The following OVCH2 variants were observed in gnomAD, a reference collection of about 807,000 sequenced individuals.
OVCH2 encodes ovochymase-2.
A neutral mutation model predicts 73.7 loss-of-function variants in OVCH2; 88 were observed. The ratio of observed to expected loss-of-function variants is 1.19; its 90% CI spans 1.01 to 1.43. OVCH2 has a LOEUF of 1.43. Ranked by LOEUF, OVCH2 falls within the 40% of genes most tolerant of loss-of-function variation. The probability of loss-of-function intolerance (pLI) is 0.00; values close to 1 mark genes in which losing one functional copy is unlikely to be tolerated. For missense variants in OVCH2, 706 were observed against 674.5 expected (o/e 1.05, Z -0.52); for synonymous variants, 265 against 234.5 (o/e 1.13, Z -1.19).
rs1259588426 is a variant in OVCH2 at position 7,706,477 on chromosome 11, C to A, written c.-83G>T. 2.0e-6 allele frequency: 3 copies of A among 1,482,874 alleles called. No individual in the cohort carries two copies. In the East Asian group the frequency reaches 7.6e-5, roughly 37 times the overall value. 91.9% of individuals were successfully genotyped at this position (1,482,874 alleles called of 1,614,324 possible). ...GAAGCCTTGAGAGACCAGCAATAAG[C>A]CAATTTAAAACAAGTTTATTCATTA... On this transcript the variant is annotated 5_prime_UTR_variant, in exon 1 of 16. Transcript: ENST00000533663.
chr11:7,702,864 C>T (rs559898272), intron 3 of OVCH2, among the ~76,000 whole-genome samples: 42 of 152,294 alleles, frequency 2.8e-4, no homozygotes, highest in East Asian at 2.1e-3. Flanking sequence ...TCCTTTGAGA[C>T]GCTTCATTCC....
At chr11:7,703,573 T>C in intron 3 of OVCH2, 125 bp downstream of exon 3, 1 of 699,218 alleles carries the variant, frequency 1.4e-6, no homozygotes, top group Non-Finnish European at 2.3e-6. Context: ...GCAATTAGGA[T>C]ATTCATCTGT....
chr11:7,680,196 G>GT, the OVCH2 span, among the ~76,000 whole-genome samples: 2 of 152,056 alleles, frequency 1.3e-5, no homozygotes, highest in Admixed American at 1.3e-4. Flanking sequence ...TCCGAGGTGG[G>GT]TGGCAGTCTT....
In OVCH2 at chr11:7,692,064, G is replaced by A. The variant is rs72852408; in HGVS notation, c.1414-69C>T. On this transcript the variant is annotated intron_variant, in intron 12 of 15. Coordinates refer to ENST00000533663, the MANE Select transcript of OVCH2 (RefSeq NM_198185.7). ...AATTACCTGACTTTGATTCAGCAGA[G>A]AAATTTGGATTGCTCAACTTGTTCT... The A allele has an allele frequency of 6.0e-4, 712 of 1,176,954 alleles. 1 individual carries two copies. The highest frequency in any genetic ancestry group is 8.3e-4 in the Non-Finnish European group (679 of 817,686). The allele number at this position is 1,176,954 out of a possible 1,614,324, so 72.9% of individuals were successfully genotyped here. A position where few individuals can be genotyped will look rare whatever the true frequency, so the allele number is the denominator to read the frequency against.
chr11:7,705,572 G>T (rs1484057097), intron 1 of OVCH2: 1 of 152,134 alleles, frequency 6.6e-6, no homozygotes, highest in African/African-American at 2.4e-5. Context: ...TATAAATGAA[G>T]CACTGTTATC....
chr11:7,696,121 A>G (rs1196660831), intron 10 of OVCH2, among the ~76,000 whole-genome samples: 1 of 152,160 alleles, frequency 6.6e-6, no homozygotes, highest in East Asian at 1.9e-4. Flanking sequence ...TTGATGAGGC[A>G]GGGAAAGGTC....
chr11:7,684,633 A>G (rs1005952629), downstream of OVCH2, among the ~76,000 whole-genome samples: 2 of 151,932 alleles, frequency 1.3e-5, no homozygotes, highest in Non-Finnish European at 1.5e-5. Context: ...ACTACAAATT[A>G]GCCCCAACAA....
downstream of OVCH2, among the ~76,000 whole-genome samples, chr11:7,684,506 A>ATGTGTGTGTGTGTG (rs55770590): frequency 7.1e-6 from 1 of 141,342 alleles, no homozygotes; most frequent in Non-Finnish European, 1.5e-5. Context: ...ATACATACAT[A>ATGTGTGTGTGTGTG]TGTGTGTGTG....
chr11:7,695,072 G>A lies in OVCH2; in HGVS notation c.1399C>T (p.His467Tyr). 1.9e-6 allele frequency: 3 copies of A among 1,550,880 alleles called. No individual in the cohort carries two copies. Among genetic ancestry groups the A allele is most frequent in the Non-Finnish European group, 2.6e-6 (3 of 1,146,808 alleles). The change falls in exon 12 of 16, where the codon CAT becomes TAT. Residue 467 changes from histidine to tyrosine, a missense_variant. Physicochemically the swap from His to Tyr is moderately conservative, Grantham distance 83. Transcript: ENST00000533663. ...AAAGTCAATACCTTAATTAGGTGAT[G>A]TTTGGAGGCTTGAAAAATCCAGTCA... ...NCDWIFQASKHHLIKLSFQSL... is the reference protein window; with the variant it reads ...NCDWIFQASKYHLIKLSFQSL...
the OVCH2 span, among the ~76,000 whole-genome samples, chr11:7,681,729 C>A: frequency 2.0e-5 from 3 of 150,926 alleles, no homozygotes; most frequent in Non-Finnish European, 4.4e-5. Context: ...TGGAGACAAC[C>A]AGGAGTAAGT....
chr11:7,694,621 T>C (rs1344455506), intron 12 of OVCH2, among the ~76,000 whole-genome samples: 1 of 23,540 alleles, frequency 4.2e-5, no homozygotes, highest in Admixed American at 4.9e-4. Flanking sequence ...TGTTTTGTTT[T>C]GTTTTGTTTT....
intron 3 of OVCH2, among the ~76,000 whole-genome samples, chr11:7,703,178 A>C (rs1267468080): frequency 1.3e-5 from 2 of 152,216 alleles, no homozygotes; most frequent in African/African-American, 2.4e-5. Flanking sequence ...ATTACAGCCT[A>C]GTATACGCCC....
chr11:7,693,191 T>A (rs1393980121), intron 12 of OVCH2, among the ~76,000 whole-genome samples: 5 of 152,184 alleles, frequency 3.3e-5, no homozygotes, highest in Admixed American at 2.0e-4. Context: ...TGATGGGGAT[T>A]CAATGGGACC....
intron 2 of OVCH2, 97 bp downstream of exon 2, chr11:7,704,468 G>T: frequency 3.8e-6 from 3 of 786,520 alleles, no homozygotes; most frequent in Non-Finnish European, 6.0e-6. Flanking sequence ...ACCCAACTAG[G>T]CTGTAGGCTC....
At chr11:7,684,865 C>A (rs905561864), downstream of OVCH2, among the ~76,000 whole-genome samples, 1 of 152,082 alleles carries the variant, frequency 6.6e-6, no homozygotes, top group Non-Finnish European at 1.5e-5. Context: ...ACAATGAAAT[C>A]TTAGCATCTT....
intron 3 of OVCH2, 136 bp from the exon 4 acceptor site, chr11:7,702,465 G>T: frequency 1.4e-6 from 1 of 706,404 alleles, no homozygotes; most frequent in Non-Finnish European, 2.2e-6. Context: ...GAGAAAGTGA[G>T]AATAATTCCA....
At chr11:7,704,805 T>A (rs1856503823) in intron 1 of OVCH2, 131 bp from the exon 2 acceptor site, 1 of 607,594 alleles carries the variant, frequency 1.6e-6, no homozygotes, top group African/African-American at 1.9e-5. Context: ...CAGATATCAA[T>A]AAATCTTTAT....
chr11:7,706,160 C>T, intron 1 of OVCH2, 147 bp downstream of exon 1: 1 of 834,928 alleles, frequency 1.2e-6, no homozygotes, highest in Non-Finnish European at 1.8e-6. Context: ...GGAGATAAGT[C>T]CAAAATAATT....
chr11:7,685,765 C>T (rs996305241), downstream of OVCH2, among the ~76,000 whole-genome samples: 1 of 152,056 alleles, frequency 6.6e-6, no homozygotes, highest in Non-Finnish European at 1.5e-5. Context: ...GGCAAGGGCA[C>T]ATCTCTACCT....
Sources: gnomAD v4.1 joint callset for allele counts (sites outside exome capture counted in the v4.1 genomes callset) on GRCh38, gnomAD v4.1.1 for gene constraint, MANE v1.5 for transcripts, NCBI Gene and HGNC (gene_info 2026-07-23, HGNC 2026-07-21) for gene names.